USP46: variants seen among roughly 807,000 people sequenced by gnomAD.
The protein encoded by USP46 is ubiquitin carboxyl-terminal hydrolase 46.
USP46 carries 12 observed loss-of-function variants against 44.4 expected under a neutral mutation model. The observed-to-expected ratio is 0.27, with a 90% CI of 0.17 to 0.44. The LOEUF (loss-of-function observed/expected upper bound fraction) is 0.44. Ranked by LOEUF, USP46 falls within the 20% of genes least tolerant of loss-of-function variation. The probability of loss-of-function intolerance (pLI) is 1.00; values close to 1 mark genes in which losing one functional copy is unlikely to be tolerated. For missense variants in USP46, 248 were observed against 444.8 expected (o/e 0.56, Z 3.98); for synonymous variants, 155 against 161.5 (o/e 0.96, Z 0.31).
rs1716136902 is a variant in USP46, at chr4:52,594,224, G to T, written c.*3416C>A. 6.6e-6 allele frequency: 1 copy of T among 152,110 alleles called. No homozygotes were observed. Among genetic ancestry groups the T allele is most frequent in the African/African-American group, 2.4e-5 (1 of 41,408 alleles). 9.4% of individuals were successfully genotyped at this position (152,110 alleles called of 1,614,324 possible). ...TTTTGCAAACAATTTTAGAGGCAGG[G>T]TGTTAAACTGATTAAAATTTCACAA... is the stretch of plus-strand genomic sequence containing the variant. On this transcript the variant is annotated 3_prime_UTR_variant, in exon 9 of 9. Coordinates refer to ENST00000441222, the MANE Select transcript of USP46 (RefSeq NM_022832.4).
At chr4:52,609,115 T>G (rs993071570) in intron 5 of USP46, among the ~76,000 whole-genome samples, 1 of 152,116 alleles carries the variant, frequency 6.6e-6, no homozygotes, top group African/African-American at 2.4e-5. Context: ...AGTACTGAGG[T>G]TTGAAATATT....
intron 7 of USP46, 56 bp downstream of exon 7, chr4:52,601,772 CCAGGAAAGGTGCAGCTGGGTATACTTCAG>C: frequency 1.4e-6 from 2 of 1,416,582 alleles, no homozygotes; most frequent in Non-Finnish European, 1.9e-6. Context: ...GTGCCACGGC[CCAGGAAAGGTGCAGCTGGGTATACTTCAG>C]CGAAGAGGCA....
intron 6 of USP46, among the ~76,000 whole-genome samples, chr4:52,604,298 G>A (rs527935105): frequency 3.9e-5 from 6 of 152,064 alleles, no homozygotes; most frequent in Admixed American, 6.5e-5. Context: ...GTAAACAATC[G>A]GACAGACAAC....
intron 1 of USP46, among the ~76,000 whole-genome samples, chr4:52,653,854 C>A (rs946807092): frequency 1.3e-5 from 2 of 152,138 alleles, no homozygotes; most frequent in African/African-American, 4.8e-5. Context: ...AAAAAGACAT[C>A]TGAGCTAGAG....
chr4:52,646,333 A>C (rs1266543033), intron 1 of USP46, among the ~76,000 whole-genome samples: 1 of 152,212 alleles, frequency 6.6e-6, no homozygotes, highest in East Asian at 1.9e-4. Context: ...GATATTTTCC[A>C]CTAATGTAAC....
At chr4:52,603,913 G>C (rs1409531318) in intron 6 of USP46, among the ~76,000 whole-genome samples, 4 of 152,100 alleles carry the variant, frequency 2.6e-5, no homozygotes, top group African/African-American at 9.7e-5. Flanking sequence ...TCAAACTCCT[G>C]ACCTCAAATG....
chr4:52,629,653 A>G (rs1377310244), intron 2 of USP46: 6 of 456,200 alleles, frequency 1.3e-5, no homozygotes, highest in South Asian at 7.7e-5. Flanking sequence ...GACACCCTTC[A>G]GTAACGCTTG....
chr4:52,650,238 G>A (rs1718704426), intron 1 of USP46, among the ~76,000 whole-genome samples: 1 of 152,184 alleles, frequency 6.6e-6, no homozygotes, highest in African/African-American at 2.4e-5. Context: ...GTAAACCATG[G>A]TTAAGTCAAA....
rs1336001450 is a variant in USP46 at position 52,594,571 on chromosome 4, T to C, written c.*3069A>G. The C allele has an allele frequency of 6.6e-6, 1 of 152,206 alleles. No homozygotes were observed. Among genetic ancestry groups the C allele is most frequent in the East Asian group, 1.9e-4 (1 of 5,204 alleles). The allele number at this position is 152,206 out of a possible 1,614,324, so 9.4% of individuals were successfully genotyped here. A position where few individuals can be genotyped will look rare whatever the true frequency, so the allele number is the denominator to read the frequency against. ...GGCAAAACATTTAGTGCACAATATT[T>C]TAATACACGTGAATATACAAAGTTG... On this transcript the variant is annotated 3_prime_UTR_variant, in exon 9 of 9. Coordinates refer to ENST00000441222, the MANE Select transcript of USP46 (RefSeq NM_022832.4).
rs1355100584 is a variant in USP46, at chr4:52,594,373, G to T, written c.*3267C>A. 1 of 152,056 alleles carries T rather than the reference G, an allele frequency of 6.6e-6. No individual in the cohort carries two copies. The highest frequency in any genetic ancestry group is 2.4e-5 in the African/African-American group (1 of 41,404). 9.4% of individuals were successfully genotyped at this position (152,056 alleles called of 1,614,324 possible). A position where few individuals can be genotyped will look rare whatever the true frequency, so the allele number is the denominator to read the frequency against. ...ATAATAGGAATGCCACACAAATACA[G>T]TAACTATTTTGGTTATACAGAAATG... On this transcript the variant is annotated 3_prime_UTR_variant, in exon 9 of 9. Transcript: ENST00000441222.
At chr4:52,645,009 A>G (rs953872326) in intron 1 of USP46, among the ~76,000 whole-genome samples, 1 of 152,080 alleles carries the variant, frequency 6.6e-6, no homozygotes, top group Non-Finnish European at 1.5e-5. Flanking sequence ...GTGAGCTGAC[A>G]TCGTGCCATT....
Position 52,628,026 on chromosome 4 carries a change from G to A in USP46, c.255C>T (p.His85=). 1 of 1,613,932 alleles carries A rather than the reference G, an allele frequency of 6.2e-7. No homozygotes were observed. Among genetic ancestry groups the A allele is most frequent in the Non-Finnish European group, 8.5e-7 (1 of 1,179,864 alleles). The stretch of plus-strand genomic sequence containing the variant: ...CCTTCTTCTTCTGTGTGGCAATGCT[G>A]TGGAAAAGGTCCGCCAGGCACGTCA... The part of the protein sequence containing the change: ...NLLTCLADLF[H]SIATQKKKVG... The change falls in exon 3 of 9, where the codon CAC becomes CAT. Residue 85 remains histidine, a synonymous_variant. Coordinates refer to ENST00000441222, the MANE Select transcript of USP46 (RefSeq NM_022832.4).
intron 1 of USP46, among the ~76,000 whole-genome samples, chr4:52,632,974 A>AAG (rs1161519819): frequency 2.4e-5 from 2 of 81,854 alleles, no homozygotes; most frequent in African/African-American, 1.2e-4. Flanking sequence ...GAAAGAAAGA[A>AAG]AGAAAGAAAG....
At chr4:52,632,910 GAAA>G (rs1717896763) in intron 1 of USP46, among the ~76,000 whole-genome samples, 3 of 94,048 alleles carry the variant, frequency 3.2e-5, no homozygotes, top group African/African-American at 1.4e-4. Flanking sequence ...GAAAGAGAAA[GAAA>G]GAAAGAGAAA....
intron 4 of USP46, among the ~76,000 whole-genome samples, chr4:52,613,630 G>A (rs563995989): frequency 6.6e-5 from 10 of 151,894 alleles, no homozygotes; most frequent in African/African-American, 1.9e-4. Flanking sequence ...GCTGAGGCAG[G>A]GGAATCACTT....
chr4:52,645,018 T>C (rs1420196007), intron 1 of USP46, among the ~76,000 whole-genome samples: 1 of 151,248 alleles, frequency 6.6e-6, no homozygotes, highest in African/African-American at 2.4e-5. Flanking sequence ...CATCGTGCCA[T>C]TGCACTCCAG....
At chr4:52,610,330 T>A (rs1347983899) in intron 5 of USP46, among the ~76,000 whole-genome samples, 1 of 152,144 alleles carries the variant, frequency 6.6e-6, no homozygotes, top group Non-Finnish European at 1.5e-5. Flanking sequence ...CACCTGCCCT[T>A]TTGACTAATG....
chr4:52,630,986 G>T, intron 2 of USP46, 78 bp downstream of exon 2: 2 of 1,222,196 alleles, frequency 1.6e-6, no homozygotes, highest in Non-Finnish European at 2.3e-6. Context: ...AATTGGTAGT[G>T]ATAAAAATGC....
intron 4 of USP46, among the ~76,000 whole-genome samples, chr4:52,621,586 G>A (rs557531959): frequency 7.8e-4 from 119 of 152,172 alleles, no homozygotes; most frequent in African/African-American, 2.6e-3. Flanking sequence ...AACCTGGGAC[G>A]CAGAGGTTGC....
Sources: allele counts gnomAD v4.1 joint callset (sites outside exome capture counted in the v4.1 genomes callset), GRCh38; gene constraint gnomAD v4.1.1; transcripts MANE v1.5; gene names NCBI Gene and HGNC (gene_info 2026-07-23, HGNC 2026-07-21).